Variants in MYO1C observed in about 807,000 individuals in gnomAD.
MYO1C encodes myosin IC, also known as unconventional myosin-Ic.
In MYO1C, 104 loss-of-function variants were observed where a neutral mutation model predicts 150.8. The observed-to-expected ratio is 0.69, with a 90% CI of 0.59 to 0.81. MYO1C has a LOEUF of 0.81. Among genes scored for constraint, MYO1C ranks in the 30% least tolerant of loss-of-function variants. The pLI is 0.00. For missense variants in MYO1C, 1,504 were observed against 1,435.0 expected (o/e 1.05, Z -0.78); for synonymous variants, 663 against 579.9 (o/e 1.14, Z -2.06).
intron 1 of MYO1C, chr17:1,491,488 C>T (rs2074733025): frequency 5.8e-6 from 2 of 345,420 alleles, no homozygotes; most frequent in African/African-American, 2.3e-5. Context: ...GTTCTTCGGC[C>T]CCAGCGATCC....
In MYO1C at chr17:1,482,867, C is replaced by T. The variant is rs746497243; in HGVS notation, c.540G>A (p.Val180=). 7 of 1,610,428 alleles carry T rather than the reference C, an allele frequency of 4.3e-6. No individual in the cohort carries two copies. In the East Asian group the frequency reaches 1.6e-4, roughly 36 times the overall value. ...TTCTCTCCCTGCCCCTCACCTCCAG[C>T]ACCGGGTTGCTCTGTAGCAGCCGGT... The part of the protein sequence containing the change: ...VRDRLLQSNP[V]LEAFGNAKTL... The change falls in exon 4 of 32, where the codon GTG becomes GTA. Residue 180 remains valine, a synonymous_variant. Transcript: ENST00000648651.
intron 29 of MYO1C, 110 bp downstream of exon 29, chr17:1,467,730 C>T: frequency 3.1e-6 from 2 of 636,448 alleles, no homozygotes; most frequent in Non-Finnish European, 2.7e-6. Context: ...TACCCCCATC[C>T]ACCCTCCCAC....
In MYO1C at chr17:1,479,361, G is replaced by A; in HGVS notation, c.1092+70C>T. On this transcript the variant is annotated intron_variant, in intron 9 of 31. Transcript: ENST00000648651. The surrounding 1 kb of genome is among the most constrained non-coding windows in gnomAD (Gnocchi z 4.2). The stretch of plus-strand genomic sequence containing the variant: ...ATTGCTGAGGGAACCAGGCGAAGGG[G>A]AGTGATGGGAGTAGGGGCTGCCTTG... 2.5e-6 allele frequency: 2 copies of A among 801,134 alleles called. No homozygotes were observed. The highest frequency in any genetic ancestry group is 2.0e-5 in the Admixed American group (1 of 50,116). The allele number at this position is 801,134 out of a possible 1,614,324, so 49.6% of individuals were successfully genotyped here.
intron 24 of MYO1C, 110 bp downstream of exon 24, chr17:1,470,065 G>T: frequency 8.6e-7 from 1 of 1,160,350 alleles, no homozygotes; most frequent in Non-Finnish European, 1.2e-6. Flanking sequence ...GCTCAGCTCT[G>T]GTCCGGGCCC....
intron 21 of MYO1C, 30 bp downstream of exon 21, chr17:1,471,041 T>C: frequency 6.2e-7 from 1 of 1,607,634 alleles, no homozygotes; most frequent in Non-Finnish European, 8.5e-7. Context: ...AGGGACCCCG[T>C]GCAGCAGGAA....
intron 2 of MYO1C, 26 bp from the exon 3 acceptor site, chr17:1,483,751 A>G (rs2074588976): frequency 1.9e-6 from 3 of 1,563,704 alleles, no homozygotes; most frequent in Non-Finnish European, 2.6e-6. Context: ...GAGGGTCCAA[A>G]GTTTATCCCG....
chr17:1,487,386 C>T (rs566305728), intron 1 of MYO1C, among the ~76,000 whole-genome samples: 359 of 152,356 alleles, frequency 2.4e-3, no homozygotes, highest in Middle Eastern at 0.014. Flanking sequence ...GCGCCCCACC[C>T]CCAGCTCGCG....
chr17:1,481,041 G>T, intron 5 of MYO1C, 156 bp from the exon 6 acceptor site: 2 of 695,186 alleles, frequency 2.9e-6, no homozygotes, highest in Non-Finnish European at 2.4e-6. Flanking sequence ...CGCCACCCAC[G>T]CTGGACTCAG....
At position 1,464,815 on chromosome 17, in the gene MYO1C, C is replaced by CTTT. The variant is rs557106289; in HGVS notation, c.*908_*910dup. The CTTT allele has an allele frequency of 0.021, 2,980 of 144,110 alleles. 90 individuals carry two copies. Among genetic ancestry groups the CTTT allele is most frequent in the African/African-American group, 0.069 (2,674 of 38,846 alleles). 8.9% of individuals were successfully genotyped at this position (144,110 alleles called of 1,614,324 possible). On this transcript the variant is annotated 3_prime_UTR_variant, in exon 32 of 32. Coordinates refer to ENST00000648651, the MANE Select transcript of MYO1C (RefSeq NM_001080779.2). ...ATGATGAGGACAGTAAAAGGGCGTT[C>CTTT]TTTTTTTTTTTTTTTAAGACGGAGT...
intron 1 of MYO1C, chr17:1,486,049 AC>A (rs2074650194): frequency 6.6e-6 from 1 of 152,492 alleles, no homozygotes; most frequent in Non-Finnish European, 1.5e-5. Flanking sequence ...CCGACCCGGA[AC>A]TCACTTCCGG....
In MYO1C at chr17:1,471,085, C is replaced by T. The variant is rs201282309; in HGVS notation, c.2198G>A (p.Arg733Gln). Reference protein sequence around the residue: ...LFATEDALEVRRQSLATKIQA... With the variant: ...LFATEDALEVQRQSLATKIQA... ...CTCTCTCTCACCCAGGCTCTGCCGC[C>T]GGACCTCCAGGGCATCCTCTGTGGC... The change falls in exon 21 of 32, where the codon CGG becomes CAG. Residue 733 changes from arginine (R) to glutamine (Q), a missense_variant. Transcript: ENST00000648651. 8.8e-5 allele frequency: 142 copies of T among 1,614,032 alleles called. No individual in the cohort carries two copies. Among genetic ancestry groups the T allele is most frequent in the Middle Eastern group, 4.9e-4 (3 of 6,062 alleles).
intron 1 of MYO1C, among the ~76,000 whole-genome samples, chr17:1,488,125 C>T (rs181661578): frequency 0.011 from 1,698 of 152,220 alleles, 42 homozygotes; most frequent in African/African-American, 0.039. Context: ...GGCCAGAGGA[C>T]GGGGCGGAGC....
chr17:1,472,317 ACG>A (rs2074321855), intron 17 of MYO1C, 89 bp from the exon 18 acceptor site: 1 of 1,131,132 alleles, frequency 8.8e-7, no homozygotes, highest in East Asian at 2.5e-5. Context: ...CTGGCTGGTG[ACG>A]CGCGCAGCAG....
intron 1 of MYO1C, among the ~76,000 whole-genome samples, chr17:1,486,401 T>C (rs2074656100): frequency 6.6e-6 from 1 of 151,296 alleles, no homozygotes; most frequent in African/African-American, 2.4e-5. Flanking sequence ...AGGGCTCAGT[T>C]CCCCCTCTGG....
intron 1 of MYO1C, among the ~76,000 whole-genome samples, chr17:1,489,478 C>G (rs573976928): frequency 6.6e-6 from 1 of 152,282 alleles, no homozygotes; most frequent in African/African-American, 2.4e-5. Context: ...AGTTCAAGAC[C>G]AGCCTGGGCC....
chr17:1,477,952 A>G lies in MYO1C; in HGVS notation c.1421T>C (p.Phe474Ser). Residue 474 changes from phenylalanine to serine, a missense_variant, in exon 13 of 32, where the codon TTC becomes TCC. Coordinates refer to ENST00000648651, the MANE Select transcript of MYO1C (RefSeq NM_001080779.2). Reference sequence around the variant, plus strand: ...CAGATCACAGATGATTTTGTTGTTGAAATACTGGACGGGCTCCCACTGAGG... The same window carrying G: ...CAGATCACAGATGATTTTGTTGTTGGAATACTGGACGGGCTCCCACTGAGG... ...EGIAWEPVQY[F>S]NNKIICDLVE... 6.2e-7 allele frequency: 1 copy of G among 1,614,126 alleles called. No individual in the cohort carries two copies.
At position 1,479,088 on chromosome 17, in the gene MYO1C, G is replaced by C. The variant is rs113546050; in HGVS notation, c.1092+343C>G. ...CGGCTCACTGCAACCTCCACCTCCCGGGTTCAAGCGATTCTCCTGCCTCAG... is the reference window on the plus strand; with the variant it reads ...CGGCTCACTGCAACCTCCACCTCCCCGGTTCAAGCGATTCTCCTGCCTCAG... On this transcript the variant is annotated intron_variant, in intron 9 of 31. Transcript: ENST00000648651. The surrounding 1 kb of genome is among the most constrained non-coding windows in gnomAD (Gnocchi z 4.2). 6.6e-6 allele frequency among the ~76,000 whole-genome samples: 1 copy of C among 152,160 alleles called. No individual in the cohort carries two copies. The highest frequency in any genetic ancestry group is 1.9e-4 in the East Asian group (1 of 5,174).
At position 1,468,071 on chromosome 17, in the gene MYO1C, C is replaced by A; in HGVS notation, c.2813G>T (p.Arg938Leu). 1.2e-6 allele frequency: 2 copies of A among 1,613,318 alleles called. No homozygotes were observed. The highest frequency in any genetic ancestry group is 1.7e-6 in the Non-Finnish European group (2 of 1,179,934). ...YDRKGYKPRSRQLLLTPNAVV... is the reference protein window; with the variant it reads ...YDRKGYKPRSLQLLLTPNAVV... ...GGCGTTGGGCGTGAGCAGCAGCTGC[C>A]GGGAGCGAGGCTTGTAGCCCTTGCG... Residue 938 changes from arginine to leucine, a missense_variant, in exon 28 of 32, where the codon CGG becomes CTG. By Grantham distance (102) the Arg-to-Leu change is moderately radical. Coordinates refer to ENST00000648651, the MANE Select transcript of MYO1C (RefSeq NM_001080779.2).
At chr17:1,484,363 C>A in intron 1 of MYO1C, 60 bp from the exon 2 acceptor site, 1 of 1,590,852 alleles carries the variant, frequency 6.3e-7, no homozygotes, top group Non-Finnish European at 8.5e-7. Context: ...AAGGCCACTT[C>A]CCTGCGCCTG....
Sources: allele counts gnomAD v4.1 joint callset (sites outside exome capture counted in the v4.1 genomes callset), GRCh38; gene constraint gnomAD v4.1.1; non-coding constraint Gnocchi (gnomAD v3.1); transcripts MANE v1.5; gene names NCBI Gene and HGNC (gene_info 2026-07-23, HGNC 2026-07-21).